ADGRF5: variants seen among roughly 807,000 people sequenced by gnomAD.
ADGRF5 encodes the protein G-protein coupled receptor 116.
In ADGRF5, 75 loss-of-function variants were observed where a neutral mutation model predicts 132.3. The ratio of observed to expected loss-of-function variants is 0.57; its 90% confidence interval spans 0.47 to 0.69. ADGRF5 has a LOEUF of 0.69. Among genes scored for constraint, ADGRF5 ranks in the 30% least tolerant of loss-of-function variants. ADGRF5 has a pLI of 0.00. For synonymous variants in ADGRF5, 629 were observed against 597.6 expected (o/e 1.05, Z -0.77); for missense variants, 1,516 against 1,630.6 (o/e 0.93, Z 1.21).
At chr6:46,909,079 C>T (rs1775679345) in intron 1 of ADGRF5, 1 of 152,054 alleles carries the variant, frequency 6.6e-6, no homozygotes, top group Admixed American at 6.5e-5. Context: ...CACAGGTATC[C>T]ATACCTGTGA....
intron 3 of ADGRF5, among the ~76,000 whole-genome samples, chr6:46,894,292 G>C (rs1407959164): frequency 6.6e-6 from 1 of 152,164 alleles, no homozygotes; most frequent in East Asian, 1.9e-4. Context: ...GCAGTGAAGG[G>C]ATCTCATTCT....
intron 17 of ADGRF5, 103 bp downstream of exon 17, chr6:46,858,026 T>C: frequency 1.2e-6 from 1 of 821,594 alleles, no homozygotes; most frequent in Non-Finnish European, 1.9e-6. Context: ...AGGCTTCCTC[T>C]GGGCTGAAAT....
At chr6:46,891,562 C>A (rs901743061) in intron 3 of ADGRF5, among the ~76,000 whole-genome samples, 4 of 151,782 alleles carry the variant, frequency 2.6e-5, no homozygotes, top group Non-Finnish European at 4.4e-5. Context: ...AGGTCAGTAA[C>A]AAATTCATAT....
At position 46,858,387 on chromosome 6, in the gene ADGRF5, C is replaced by A; in HGVS notation, c.3516G>T (p.Leu1172=). ...CWLNWEDTKA[L]LAFAIPALII... is the part of the protein sequence containing the mutation. ...TCAGTGCTGGGATGGCGAAAGCCAGCAGGGCCTTGGTGTCCTCCCAGTTGA... is the reference window on the plus strand; with the variant it reads ...TCAGTGCTGGGATGGCGAAAGCCAGAAGGGCCTTGGTGTCCTCCCAGTTGA... Residue 1172 remains leucine, a synonymous_variant, in exon 17 of 21, where the codon CTG becomes CTT. Transcript: ENST00000283296. 6.2e-7 allele frequency: 1 copy of A among 1,613,986 alleles called. No individual in the cohort carries two copies. Among genetic ancestry groups the A allele is most frequent in the East Asian group, 2.2e-5 (1 of 44,860 alleles).
intron 5 of ADGRF5, 145 bp downstream of exon 5, chr6:46,883,950 C>T (rs1772776209): frequency 1.3e-6 from 1 of 744,538 alleles, no homozygotes; most frequent in Non-Finnish European, 2.2e-6. Flanking sequence ...CCATGTTGGC[C>T]AGGCTGCTGT....
At chr6:46,877,326 T>TTCC (rs1396210264) in intron 10 of ADGRF5, among the ~76,000 whole-genome samples, 150 of 98,302 alleles carry the variant, frequency 1.5e-3, no homozygotes, top group South Asian at 5.7e-3. Flanking sequence ...TCCTTCCTTC[T>TTCC]TTCTTTCTTT....
At position 46,858,314 on chromosome 6, in the gene ADGRF5, T is replaced by C; in HGVS notation, c.3589A>G (p.Ile1197Val). Residue 1197 changes from isoleucine (I) to valine (V), a missense_variant, in exon 17 of 21, where the codon ATC (isoleucine) becomes GTC (valine). This residue lies in a region of ADGRF5 where 571 missense variants were observed against 701.2 expected (regional missense o/e 0.81). Transcript: ENST00000283296. ...ITITIVVITK[I>V]LRPSIGDKPC... The stretch of plus-strand genomic sequence containing the variant: ...TTGTCTCCAATGGAAGGCCTCAGGA[T>C]CTTGGTGATGACCACAATAGTGATG... The C allele has an allele frequency of 6.2e-7, 1 of 1,613,980 alleles. No individual in the cohort carries two copies. The highest frequency in any genetic ancestry group is 1.1e-5 in the South Asian group (1 of 91,066).
intron 10 of ADGRF5, among the ~76,000 whole-genome samples, chr6:46,873,850 C>T (rs943674952): frequency 6.6e-6 from 1 of 152,076 alleles, no homozygotes; most frequent in African/African-American, 2.4e-5. Flanking sequence ...TGGCATTTCC[C>T]CAAACAAAAA....
rs142290952 is a variant in ADGRF5 at position 46,895,394 on chromosome 6, G to A, written c.157+4635C>T. Among the ~76,000 whole-genome samples, 1,476 of 151,674 alleles carry A rather than the reference G, an allele frequency of 9.7e-3. 15 individuals are homozygous for A. Among genetic ancestry groups the A allele is most frequent in the Non-Finnish European group, 0.014 (956 of 67,936 alleles). On this transcript the variant is annotated intron_variant, in intron 3 of 20. Coordinates refer to ENST00000283296, the MANE Select transcript of ADGRF5 (RefSeq NM_001098518.2). ...CATCACTGCCGGCTCAGAGCACTCA[G>A]GGCTACATGTCATCATCAGAAAGGC...
chr6:46,926,500 A>G (rs2150931292), upstream of ADGRF5, among the ~76,000 whole-genome samples: 1 of 151,874 alleles, frequency 6.6e-6, no homozygotes, highest in African/African-American at 2.4e-5. Flanking sequence ...GGCAGTGCAG[A>G]TTTGAGGTAT....
chr6:46,883,253 A>G (rs1772680457), intron 6 of ADGRF5, among the ~76,000 whole-genome samples: 1 of 152,074 alleles, frequency 6.6e-6, no homozygotes, highest in African/African-American at 2.4e-5. Flanking sequence ...AAATGCACCA[A>G]CTCATGCTTG....
chr6:46,924,880 A>G (rs2150929926), upstream of ADGRF5, among the ~76,000 whole-genome samples: 1 of 152,322 alleles, frequency 6.6e-6, no homozygotes, highest in South Asian at 2.1e-4. Flanking sequence ...AAATATATGC[A>G]TAGTCTGGCA....
intron 1 of ADGRF5, among the ~76,000 whole-genome samples, chr6:46,948,577 C>T (rs537413719): frequency 6.6e-6 from 1 of 151,354 alleles, no homozygotes; most frequent in South Asian, 2.1e-4. Context: ...ACAAAATATT[C>T]TTAAAATCAC....
At chr6:46,913,459 A>G (rs1776145116) in intron 1 of ADGRF5, among the ~76,000 whole-genome samples, 1 of 151,456 alleles carries the variant, frequency 6.6e-6, no homozygotes. Flanking sequence ...AGATCACGCC[A>G]TTGCACTCCA....
chr6:46,862,914 T>C lies in ADGRF5; in HGVS notation c.2173A>G (p.Ile725Val), dbSNP rs370227779. 8.7e-6 allele frequency: 14 copies of C among 1,612,566 alleles called. No individual in the cohort carries two copies. The highest frequency in any genetic ancestry group is 6.6e-5 in the South Asian group (6 of 90,960). ...EKRNDCISAP[I>V]NSLLQMAKAL... is the part of the protein sequence containing the mutation. The stretch of plus-strand genomic sequence containing the variant: ...TTAGCCATCTGGAGCAGACTGTTTA[T>C]TGGGGCAGAGATGCAGTCATTTCTC... The change falls in exon 15 of 21, where the codon ATA becomes GTA. Residue 725 changes from isoleucine to valine, a missense_variant. By Grantham distance (29) the Ile-to-Val change is conservative. This residue lies in a region of ADGRF5 where 945 missense variants were observed against 929.4 expected (regional missense o/e 1.02). Transcript: ENST00000283296.
intron 1 of ADGRF5, among the ~76,000 whole-genome samples, chr6:46,907,556 C>A (rs966571619): frequency 4.0e-5 from 6 of 151,898 alleles, no homozygotes; most frequent in Admixed American, 3.3e-4. Flanking sequence ...ATGAAAATAG[C>A]TTTTTGGTGA....
At chr6:46,869,227 T>C (rs977130339) in intron 11 of ADGRF5, 135 bp from the exon 12 acceptor site, 1 of 1,484,280 alleles carries the variant, frequency 6.7e-7, no homozygotes, top group African/African-American at 1.4e-5. Flanking sequence ...ACTCTACTCA[T>C]GTCAAGGTAG....
chr6:46,942,296 T>C (rs947310634), intron 1 of ADGRF5, among the ~76,000 whole-genome samples: 3 of 152,216 alleles, frequency 2.0e-5, no homozygotes, highest in African/African-American at 7.2e-5. Context: ...ATTTATCTAC[T>C]GTTTTGTGTC....
intron 3 of ADGRF5, among the ~76,000 whole-genome samples, chr6:46,898,622 G>A (rs1233474199): frequency 6.6e-6 from 1 of 152,162 alleles, no homozygotes; most frequent in African/African-American, 2.4e-5. Context: ...TATTTTAAGA[G>A]CTTAATAGAA....
Sources: allele counts gnomAD v4.1 joint callset (sites outside exome capture counted in the v4.1 genomes callset), GRCh38; gene constraint gnomAD v4.1.1; regional missense constraint gnomAD v4.1.1; transcripts MANE v1.5; gene names NCBI Gene and HGNC (gene_info 2026-07-23, HGNC 2026-07-21).